RASA3: variants seen among roughly 807,000 people sequenced by gnomAD.
The protein encoded by RASA3 is RAS p21 protein activator 3.
A neutral mutation model predicts 110.0 loss-of-function variants in RASA3; 73 were observed. That is an observed-to-expected ratio of 0.66 (90% confidence interval 0.55 to 0.81). The LOEUF (loss-of-function observed/expected upper bound fraction) is 0.81. Ranked by LOEUF, RASA3 falls within the 30% of genes least tolerant of loss-of-function variation. The pLI, the probability that RASA3 is intolerant of heterozygous loss-of-function variation, is 0.00. For missense variants in RASA3, 976 were observed against 1,113.2 expected (o/e 0.88, Z 1.75); for synonymous variants, 500 against 451.4 (o/e 1.11, Z -1.37).
At chr13:114,113,581 CGT>C (rs2080244230) in intron 1 of RASA3, among the ~76,000 whole-genome samples, 1 of 151,508 alleles carries the variant, frequency 6.6e-6, no homozygotes, top group Non-Finnish European at 1.5e-5. Flanking sequence ...GAGTGATGTC[CGT>C]ACAGCTCACA....
intron 2 of RASA3, among the ~76,000 whole-genome samples, 188 bp from the exon 3 acceptor site, chr13:114,052,343 C>T (rs2079159213): frequency 6.6e-6 from 1 of 152,200 alleles, no homozygotes. Context: ...CGGCCTCCAC[C>T]TCGAGCCTTT....
chr13:114,001,721 G>C (rs1286560687), intron 18 of RASA3, among the ~76,000 whole-genome samples: 1 of 152,176 alleles, frequency 6.6e-6, no homozygotes, highest in East Asian at 1.9e-4. Flanking sequence ...GCGGCCGCGG[G>C]CTCGGGGTCA....
Position 114,087,597 on chromosome 13 carries a change from G to A in RASA3, c.56-13760C>T, listed in dbSNP as rs557350853. 5.3e-5 allele frequency among the ~76,000 whole-genome samples: 8 copies of A among 152,346 alleles called. No individual in the cohort carries two copies. The South Asian group carries it at 1.7e-3, about 32-fold the overall frequency. ...CCCCGGCCTGCGCCTCTGGAGGGAG[G>A]GCCCCGGGCAGTGCCAGCAGGAACG... On this transcript the variant is annotated intron_variant, in intron 1 of 23. Transcript: ENST00000334062.
chr13:114,125,331 G>A (rs889814381), intron 1 of RASA3, among the ~76,000 whole-genome samples: 5 of 152,174 alleles, frequency 3.3e-5, no homozygotes, highest in Admixed American at 6.5e-5. Context: ...GCTGCAAGCC[G>A]TACAGGAAGT....
At chr13:114,037,524 T>C (rs967874665) in intron 4 of RASA3, among the ~76,000 whole-genome samples, 4 of 152,070 alleles carry the variant, frequency 2.6e-5, no homozygotes, top group Non-Finnish European at 5.9e-5. Context: ...AATAAAACTC[T>C]AGCCAGGGGA....
At chr13:114,016,635 C>T (rs551813644) in intron 12 of RASA3, among the ~76,000 whole-genome samples, 43 of 152,334 alleles carry the variant, frequency 2.8e-4, no homozygotes, top group Admixed American at 6.5e-4. Context: ...TCAGACGAAT[C>T]GGGCTTTCTC....
In RASA3 at chr13:114,028,294, GTGT is replaced by G. The variant is rs375686881; in HGVS notation, c.450-370_450-368del. ...TCTGGGAGCCAGGACCCCTAAAACAGTGTCATCTGGGAGCCAGGATCTCTAAAA... is the reference window on the plus strand; with the variant it reads ...TCTGGGAGCCAGGACCCCTAAAACAGCATCTGGGAGCCAGGATCTCTAAAA... On this transcript the variant is annotated intron_variant, in intron 5 of 23. Transcript: ENST00000334062. Among the ~76,000 whole-genome samples, 383 of 147,554 alleles carry G rather than the reference GTGT, an allele frequency of 2.6e-3. 1 individual carries two copies. The highest frequency in any genetic ancestry group is 3.1e-3 in the African/African-American group (124 of 39,642).
In RASA3 at chr13:114,041,113, A is replaced by C. The variant is rs2054396400; in HGVS notation, c.278-19T>G. 6.2e-7 allele frequency: 1 copy of C among 1,609,436 alleles called. No individual in the cohort carries two copies. Among genetic ancestry groups the C allele is most frequent in the Admixed American group, 1.7e-5 (1 of 60,020 alleles). On this transcript the variant is annotated intron_variant, in intron 3 of 23. Coordinates refer to ENST00000334062, the MANE Select transcript of RASA3 (RefSeq NM_007368.4). ...ACCTTCCCTGCAACACAAGCAGAGA[A>C]GACTTCACCACGGGCACAGGCCCCA...
chr13:114,067,693 G>A (rs561893911), intron 2 of RASA3, among the ~76,000 whole-genome samples: 1 of 152,234 alleles, frequency 6.6e-6, no homozygotes, highest in East Asian at 1.9e-4. Flanking sequence ...AAACCTCCCT[G>A]TCTTTAACAA....
chr13:114,113,582 G>A (rs1216228525), intron 1 of RASA3, among the ~76,000 whole-genome samples: 10 of 151,628 alleles, frequency 6.6e-5, no homozygotes, highest in African/African-American at 1.2e-4. Flanking sequence ...AGTGATGTCC[G>A]TACAGCTCAC....
At chr13:114,010,189 A>T (rs2053601018) in intron 16 of RASA3, among the ~76,000 whole-genome samples, 1 of 152,118 alleles carries the variant, frequency 6.6e-6, no homozygotes, top group Non-Finnish European at 1.5e-5. Flanking sequence ...AGAGAAACCC[A>T]ACGTTTGCCC....
intron 14 of RASA3, among the ~76,000 whole-genome samples, 195 bp from the exon 15 acceptor site, chr13:114,013,443 CTGTCTCTCCCCCTT>C (rs2053688477): frequency 1.1e-5 from 1 of 94,478 alleles, no homozygotes; most frequent in African/African-American, 6.4e-5. Context: ...CTCCATCTCT[CTGTCTCTCCCCCTT>C]TGTCTCTCTC....
At chr13:114,098,076 G>A (rs960473221) in intron 1 of RASA3, among the ~76,000 whole-genome samples, 3 of 152,010 alleles carry the variant, frequency 2.0e-5, no homozygotes, top group African/African-American at 7.2e-5. Flanking sequence ...GGCCCAGGCC[G>A]GCTGCCAGCA....
At chr13:114,028,718 G>A (rs1385584838) in intron 5 of RASA3, among the ~76,000 whole-genome samples, 1 of 93,078 alleles carries the variant, frequency 1.1e-5, no homozygotes, top group Non-Finnish European at 2.2e-5. Context: ...TCATCCTGGG[G>A]CCAGGACCTC....
intron 3 of RASA3, among the ~76,000 whole-genome samples, chr13:114,043,849 G>A (rs1292789085): frequency 1.3e-4 from 1 of 7,508 alleles, no homozygotes; most frequent in Admixed American, 1.5e-3. Context: ...CCCCCGCCCC[G>A]CCTCACTCGC....
intron 7 of RASA3, 142 bp from the exon 8 acceptor site, chr13:114,024,497 G>A: frequency 2.6e-6 from 2 of 754,892 alleles, no homozygotes; most frequent in East Asian, 5.2e-5. Flanking sequence ...CGCCAGGCGG[G>A]ATTCGGGATT....
intron 1 of RASA3, among the ~76,000 whole-genome samples, chr13:114,117,942 G>A (rs892854411): frequency 4.0e-5 from 6 of 151,712 alleles, no homozygotes; most frequent in Non-Finnish European, 7.4e-5. Context: ...TGTGTGAGGG[G>A]TGCACGTGTG....
chr13:114,000,826 C>T lies in RASA3; in HGVS notation c.1849G>A (p.Gly617Arg). Residue 617 changes from glycine (G) to arginine (R), a missense_variant and splice_region_variant, in exon 19 of 24, where the codon GGG (glycine) becomes AGG (arginine). Physicochemically the swap from Gly to Arg is moderately radical, Grantham distance 125 (BLOSUM62 -2). Coordinates refer to ENST00000334062, the MANE Select transcript of RASA3 (RefSeq NM_007368.4). ...CAGGGAAAGCGACCTTGCTCCTTAC[C>T]TTTGCTTTTGTGGTAGGTAAATTCA... ...NHEFTYHKSK[G>R]DQPLYSIPIE... 1 of 1,604,304 alleles carries T rather than the reference C, an allele frequency of 6.2e-7. No homozygotes were observed. The highest frequency in any genetic ancestry group is 1.3e-5 in the African/African-American group (1 of 74,832).
chr13:114,047,871 C>T (rs554598970), intron 3 of RASA3, among the ~76,000 whole-genome samples: 2 of 152,346 alleles, frequency 1.3e-5, no homozygotes, highest in South Asian at 4.1e-4. Flanking sequence ...GTAGGAAATC[C>T]ACCCCAAAGG....
Sources: gnomAD v4.1 joint callset for allele counts (sites outside exome capture counted in the v4.1 genomes callset) on GRCh38, gnomAD v4.1.1 for gene constraint, MANE v1.5 for transcripts, NCBI Gene and HGNC (gene_info 2026-07-23, HGNC 2026-07-21) for gene names.